Variants in CPSF1 observed in about 807,000 individuals in gnomAD.
CPSF1 encodes the protein cleavage and polyadenylation specificity factor subunit 1.
Under a neutral mutation model 175.8 loss-of-function variants are expected in CPSF1, and 106 were observed. That is an observed-to-expected ratio of 0.60 (90% confidence interval 0.52 to 0.71). The LOEUF is 0.71. CPSF1 is among the 30% of genes least tolerant of loss of function. CPSF1 has a pLI of 0.00. For synonymous variants in CPSF1, 1,024 were observed against 858.3 expected (o/e 1.19, Z -3.37); for missense variants, 1,734 against 2,022.9 (o/e 0.86, Z 2.74).
intron 2 of CPSF1, among the ~76,000 whole-genome samples, chr8:144,407,071 C>T (rs1821536217): frequency 6.6e-6 from 1 of 152,108 alleles, no homozygotes; most frequent in Non-Finnish European, 1.5e-5. Flanking sequence ...CCTGCCACCA[C>T]ACCCAGCTAA....
In CPSF1 at chr8:144,396,660, C is replaced by A; in HGVS notation, c.2764G>T (p.Ala922Ser). ...CGCGCCACGCGGCCCCGGGCCCCAG[C>A]CCCCTCCTCTGCGCCGCCACCTTCT... ...KAEGGGAEEG[A>S]GARGRVARFR... Residue 922 changes from alanine (A) to serine (S), a missense_variant, in exon 25 of 38, where the codon GCT (alanine) becomes TCT (serine). Coordinates refer to ENST00000616140, the MANE Select transcript of CPSF1 (RefSeq NM_013291.3). 1 of 1,613,850 alleles carries A rather than the reference C, an allele frequency of 6.2e-7. No homozygotes were observed. Among genetic ancestry groups the A allele is most frequent in the Non-Finnish European group, 8.5e-7 (1 of 1,180,016 alleles).
rs782631342 is a variant in CPSF1 at position 144,393,484 on chromosome 8, G to A, written c.4252C>T (p.Leu1418=). The part of the protein sequence containing the change: ...LYLSTMERSE[L]AKKIGTTPDI... ...GGTGTGGTGCCGATCTTCTTGGCTA[G>A]CTCGCTGCGCTCCATGGTGCTCAGG... The change falls in exon 37 of 38, where the codon CTA becomes TTA. Residue 1418 remains leucine, a synonymous_variant. Transcript: ENST00000616140. 4 of 1,567,090 alleles carry A rather than the reference G, an allele frequency of 2.6e-6. No homozygotes were observed. The highest frequency in any genetic ancestry group is 2.6e-6 in the Non-Finnish European group (3 of 1,157,244).
Position 144,401,422 on chromosome 8 carries a change from C to G in CPSF1, c.306+8G>C. 1 of 1,613,980 alleles carries G rather than the reference C, an allele frequency of 6.2e-7. No individual in the cohort carries two copies. Among genetic ancestry groups the G allele is most frequent in the Non-Finnish European group, 8.5e-7 (1 of 1,179,964 alleles). On this transcript the variant is annotated splice_region_variant and intron_variant, in intron 4 of 37. Transcript: ENST00000616140. ...GGCCAGGCCTACCCCACCAAGCCTA[C>G]CACTCACCTTGGCATCCTTGAAGCT...
In CPSF1 at chr8:144,394,659, C is replaced by T. The variant is rs369183467; in HGVS notation, c.3552G>A (p.Ser1184=). The part of the protein sequence containing the change: ...ALCHCNGHLV[S]AIGQKIFLWS... ...ACTGGCACACCTTCTGGCCGATGGC[C>T]GACACCAGGTGGCCATTGCAGTGGC... Residue 1184 remains serine, a synonymous_variant, in exon 31 of 38, where the codon TCG becomes TCA. Coordinates refer to ENST00000616140, the MANE Select transcript of CPSF1 (RefSeq NM_013291.3). 2.5e-5 allele frequency: 40 copies of T among 1,608,442 alleles called. No homozygotes were observed. The highest frequency in any genetic ancestry group is 1.1e-4 in the African/African-American group (8 of 74,962).
At chr8:144,407,862 G>A (rs1821578080) in intron 2 of CPSF1, among the ~76,000 whole-genome samples, 1 of 152,116 alleles carries the variant, frequency 6.6e-6, no homozygotes, top group South Asian at 2.1e-4. Flanking sequence ...TCGGTTACAG[G>A]ACTCGCCGTG....
In CPSF1 at chr8:144,396,911, G is replaced by A. The variant is rs190713132; in HGVS notation, c.2611C>T (p.Leu871=). ...TGGGGGAAGGCCTCGTAGATAAGCA[G>A]CTCTTGGTCCACATGCACCTGGCAG... The part of the protein sequence containing the change: ...PYLLVHVDQE[L]LIYEAFPHDS... The change falls in exon 24 of 38, where the codon CTG becomes TTG. Residue 871 remains leucine (L), a synonymous_variant. Transcript: ENST00000616140. 11 of 1,613,268 alleles carry A rather than the reference G, an allele frequency of 6.8e-6. No individual in the cohort carries two copies. In the Admixed American group the frequency reaches 1.7e-4, roughly 24 times the overall value.
At position 144,397,757 on chromosome 8, in the gene CPSF1, C is replaced by T. The variant is rs1412660548; in HGVS notation, c.2196G>A (p.Leu732=). Residue 732 remains leucine (L), a synonymous_variant, in exon 21 of 38, where the codon CTG becomes CTA. Coordinates refer to ENST00000616140, the MANE Select transcript of CPSF1 (RefSeq NM_013291.3). The stretch of plus-strand genomic sequence containing the variant: ...CCCCCACGCACCTAGTCTCTGAGCC[C>T]AGGCCCTCGGCCTCCGGGCCACTGC... ...GGRSGPEAEG[L]GSETSPTVDD... is the part of the protein sequence containing the mutation. 1 of 1,606,160 alleles carries T rather than the reference C, an allele frequency of 6.2e-7. No homozygotes were observed. Among genetic ancestry groups the T allele is most frequent in the African/African-American group, 1.3e-5 (1 of 74,766 alleles).
chr8:144,406,698 C>G (rs2116905909), intron 2 of CPSF1, among the ~76,000 whole-genome samples: 3 of 152,210 alleles, frequency 2.0e-5, no homozygotes, highest in Non-Finnish European at 4.4e-5. Context: ...ATGAGCACCT[C>G]GGCCAACCTA....
chr8:144,400,662 G>T lies in CPSF1; in HGVS notation c.686+9C>A. ...CCACAGTGCAGAGGGGCCTCCTTAGGGGGCTCACCCAGGCCAGGTCTGGTT... is the reference window on the plus strand; with the variant it reads ...CCACAGTGCAGAGGGGCCTCCTTAGTGGGCTCACCCAGGCCAGGTCTGGTT... On this transcript the variant is annotated intron_variant, in intron 7 of 37. Coordinates refer to ENST00000616140, the MANE Select transcript of CPSF1 (RefSeq NM_013291.3). The T allele has an allele frequency of 6.2e-6, 10 of 1,603,308 alleles. No individual in the cohort carries two copies. The highest frequency in any genetic ancestry group is 8.5e-6 in the Non-Finnish European group (10 of 1,175,046).
Position 144,401,195 on chromosome 8 carries a change from G to C in CPSF1, c.387+16C>G. The C allele has an allele frequency of 6.5e-7, 1 of 1,548,524 alleles. No homozygotes were observed. The highest frequency in any genetic ancestry group is 8.7e-7 in the Non-Finnish European group (1 of 1,146,452). On this transcript the variant is annotated intron_variant, in intron 5 of 37. Coordinates refer to ENST00000616140, the MANE Select transcript of CPSF1 (RefSeq NM_013291.3). ...GGCTGGGCGGGGCCTGGGCGGGGGC[G>C]GGAGCGCGGCCCTACCCGAAGCTCA...
At position 144,394,781 on chromosome 8, in the gene CPSF1, C is replaced by A; in HGVS notation, c.3430G>T (p.Val1144Leu). ...CCAGGCTCGGGCACCACCTCAATCACATCCATGATCAAGATCTGGAGGGCA... is the reference window on the plus strand; with the variant it reads ...CCAGGCTCGGGCACCACCTCAATCAAATCCATGATCAAGATCTGGAGGGCA... ...TCRGRILIMD[V>L]IEVVPEPGQP... is the part of the protein sequence containing the mutation. Residue 1144 changes from valine (V) to leucine (L), a missense_variant, in exon 31 of 38, where the codon GTG (valine) becomes TTG (leucine). By Grantham distance (32) the Val-to-Leu change is conservative (BLOSUM62 1). Transcript: ENST00000616140. The A allele has an allele frequency of 6.2e-7, 1 of 1,613,596 alleles. No individual in the cohort carries two copies. Among genetic ancestry groups the A allele is most frequent in the Non-Finnish European group, 8.5e-7 (1 of 1,179,950 alleles).
Position 144,396,748 on chromosome 8 carries a change from G to A in CPSF1, c.2683-7C>T, listed in dbSNP as rs1820777047. On this transcript the variant is annotated splice_region_variant and splice_polypyrimidine_tract_variant and intron_variant, in intron 24 of 37. Transcript: ENST00000616140. ...AGTTGATGTTGTGAGGGACCTGGGG[G>A]GGAACCATGCAGGTCCTCCAGGGGC... 2 of 1,613,818 alleles carry A rather than the reference G, an allele frequency of 1.2e-6. No individual in the cohort carries two copies. Among genetic ancestry groups the A allele is most frequent in the Non-Finnish European group, 1.7e-6 (2 of 1,179,910 alleles).
At chr8:144,408,748 C>T (rs1564701017) in intron 2 of CPSF1, among the ~76,000 whole-genome samples, 1 of 152,230 alleles carries the variant, frequency 6.6e-6, no homozygotes, top group African/African-American at 2.4e-5. Flanking sequence ...TCCTTCCGAA[C>T]AACTTGCTGA....
At chr8:144,398,479 A>G (rs2116850315) in intron 18 of CPSF1, 36 bp from the exon 19 acceptor site, 20 of 1,596,082 alleles carry the variant, frequency 1.3e-5, no homozygotes, top group Non-Finnish European at 1.6e-5. Context: ...CGCCCCCCGC[A>G]GGGGACCCCA....
In CPSF1 at chr8:144,401,194, C is replaced by G. The variant is rs2116882493; in HGVS notation, c.387+17G>C. ...TGGCTGGGCGGGGCCTGGGCGGGGG[C>G]GGGAGCGCGGCCCTACCCGAAGCTC... is the stretch of plus-strand genomic sequence containing the variant. On this transcript the variant is annotated intron_variant, in intron 5 of 37. Transcript: ENST00000616140. The G allele has an allele frequency of 8.3e-7, 1 of 1,199,156 alleles. No homozygotes were observed. The highest frequency in any genetic ancestry group is 1.1e-6 in the Non-Finnish European group (1 of 880,390). 74.3% of individuals were successfully genotyped at this position (1,199,156 alleles called of 1,614,324 possible).
intron 9 of CPSF1, 34 bp downstream of exon 9, chr8:144,400,132 C>CGGGGGGGGGGGGGGGGGGGGGGGG: frequency 9.4e-7 from 1 of 1,067,952 alleles, no homozygotes. Flanking sequence ...AAGCCGTCCC[C>CGGGGGGGGGGGGGGGGGGGGGGGG]GGGCCCCCCC....
In CPSF1 at chr8:144,396,891, G is replaced by T; in HGVS notation, c.2631C>A (p.Phe877Leu). ...CCTGGCCGAGCTGAGAGTCGTGGGG[G>T]AAGGCCTCGTAGATAAGCAGCTCTT... Reference protein sequence around the residue: ...VDQELLIYEAFPHDSQLGQGN... With the variant: ...VDQELLIYEALPHDSQLGQGN... Residue 877 changes from phenylalanine (F) to leucine (L), a missense_variant, in exon 24 of 38, where the codon TTC (phenylalanine) becomes TTA (leucine). Phe to Leu is a conservative substitution (Grantham distance 22). This residue lies in a region of CPSF1 where 585 missense variants were observed against 584.7 expected (regional missense o/e 1.00). Coordinates refer to ENST00000616140, the MANE Select transcript of CPSF1 (RefSeq NM_013291.3). The T allele has an allele frequency of 1.2e-6, 2 of 1,613,894 alleles. No homozygotes were observed. The highest frequency in any genetic ancestry group is 1.7e-6 in the Non-Finnish European group (2 of 1,179,922).
intron 2 of CPSF1, among the ~76,000 whole-genome samples, chr8:144,406,170 AC>A (rs1222762746): frequency 2.2e-3 from 4 of 1,802 alleles, no homozygotes; most frequent in Non-Finnish European, 0.023. Flanking sequence ...AAAACAAAAA[AC>A]AAAACAGAAG....
intron 1 of CPSF1, 39 bp downstream of exon 1, chr8:144,409,250 C>A (rs1354990215): frequency 5.9e-6 from 7 of 1,189,698 alleles, no homozygotes; most frequent in Non-Finnish European, 7.4e-6. Context: ...CCCTCCCCGG[C>A]CTCGCGCTGC....
Sources: allele counts gnomAD v4.1 joint callset (sites outside exome capture counted in the v4.1 genomes callset), GRCh38; gene constraint gnomAD v4.1.1; regional missense constraint gnomAD v4.1.1; transcripts MANE v1.5; gene names NCBI Gene and HGNC (gene_info 2026-07-23, HGNC 2026-07-21).